The following RPH3AL variants were observed in gnomAD, a reference collection of about 807,000 sequenced individuals.
The protein encoded by RPH3AL is rabphilin 3A like (without C2 domains).
A neutral mutation model predicts 43.1 loss-of-function variants in RPH3AL; 38 were observed. The ratio of observed to expected loss-of-function variants is 0.88; its 90% CI spans 0.68 to 1.15. The LOEUF is 1.15. Among genes scored for constraint, RPH3AL ranks in the 50% most tolerant of loss-of-function variants. The pLI is 0.00. For missense variants in RPH3AL, 462 were observed against 423.2 expected (o/e 1.09, Z -0.81); for synonymous variants, 189 against 176.3 (o/e 1.07, Z -0.57).
chr17:309,669 G>T lies in RPH3AL; in HGVS notation c.351+9751C>A, dbSNP rs537610961. On this transcript the variant is annotated intron_variant, in intron 5 of 9. Coordinates refer to ENST00000331302, the MANE Select transcript of RPH3AL (RefSeq NM_006987.4). ...TGCCAGCCCCCTGCTGGGGGTCTGGGATATGGCACGTCCCCTGCCCTGCCC... is the reference window on the plus strand; with the variant it reads ...TGCCAGCCCCCTGCTGGGGGTCTGGTATATGGCACGTCCCCTGCCCTGCCC... Among the ~76,000 whole-genome samples the T allele has an allele frequency of 1.9e-3, 281 of 145,258 alleles. 11 individuals are homozygous for T. The highest frequency in any genetic ancestry group is 7.2e-3 in the African/African-American group (269 of 37,304).
chr17:351,348 T>C (rs775079769), intron 1 of RPH3AL, among the ~76,000 whole-genome samples: 1 of 152,102 alleles, frequency 6.6e-6, no homozygotes, highest in Non-Finnish European at 1.5e-5. Flanking sequence ...GCACCCTCAA[T>C]AGCTCCCACT....
At chr17:232,051 T>G (rs2041242294) in intron 7 of RPH3AL, among the ~76,000 whole-genome samples, 1 of 152,236 alleles carries the variant, frequency 6.6e-6, no homozygotes, top group Non-Finnish European at 1.5e-5. Context: ...AGCTTGTGTC[T>G]GGCTTAACCA....
intron 6 of RPH3AL, among the ~76,000 whole-genome samples, chr17:253,495 TC>T (rs1567587744): frequency 6.6e-6 from 1 of 152,172 alleles, no homozygotes; most frequent in Non-Finnish European, 1.5e-5. Flanking sequence ...GTATGCGCAA[TC>T]CTTTTTTAAA....
intron 5 of RPH3AL, among the ~76,000 whole-genome samples, chr17:309,206 G>T (rs2043573254): frequency 6.6e-6 from 1 of 152,174 alleles, no homozygotes; most frequent in South Asian, 2.1e-4. Context: ...GAGGTGGGAG[G>T]ATCGATTGAG....
intron 1 of RPH3AL, among the ~76,000 whole-genome samples, chr17:340,462 A>G (rs1448648159): frequency 1.8e-5 from 1 of 54,652 alleles, no homozygotes; most frequent in East Asian, 5.6e-4. Context: ...GCCTCCCCAC[A>G]TCCACACTCA....
chr17:282,055 C>T (rs1165651831), intron 5 of RPH3AL, among the ~76,000 whole-genome samples: 1 of 152,184 alleles, frequency 6.6e-6, no homozygotes, highest in East Asian at 1.9e-4. Flanking sequence ...TGGCCCCATC[C>T]ACGGAACCCC....
intron 5 of RPH3AL, among the ~76,000 whole-genome samples, chr17:286,913 T>TCTCTCTCCACCGTCAGACCTCCCACC (rs2042927816): frequency 2.2e-5 from 2 of 92,222 alleles, no homozygotes; most frequent in Admixed American, 2.3e-4. Flanking sequence ...CCTCGCACCC[T>TCTCTCTCCACCGTCAGACCTCCCACC]CTCTCTCCAC....
At chr17:318,847 A>G (rs1272815339) in intron 5 of RPH3AL, among the ~76,000 whole-genome samples, 1 of 152,250 alleles carries the variant, frequency 6.6e-6, no homozygotes, top group Non-Finnish European at 1.5e-5. Context: ...GATCAAGAGA[A>G]GCAGGACCAA....
In RPH3AL at chr17:274,784, A is replaced by C. The variant is rs187571119; in HGVS notation, c.438+6984T>G. On this transcript the variant is annotated intron_variant, in intron 6 of 9. Transcript: ENST00000331302. This position sits in a 1 kb window ranked among gnomAD's most constrained non-coding sequence, Gnocchi z 4.7. ...CTGCTGCAGAAGCGGGGAGGGGAAA[A>C]CCTCCAAAGTGTTTAGTGCAGGTGA... 6.4e-4 allele frequency among the ~76,000 whole-genome samples: 97 copies of C among 152,066 alleles called. No homozygotes were observed. Among genetic ancestry groups the C allele is most frequent in the Middle Eastern group, 3.4e-3 (1 of 294 alleles).
chr17:314,441 C>A (rs1001708852), intron 5 of RPH3AL, among the ~76,000 whole-genome samples: 2 of 122,048 alleles, frequency 1.6e-5, no homozygotes, highest in Non-Finnish European at 3.5e-5. Context: ...CCTCTGCCCC[C>A]ACCTCCATTG....
At chr17:248,231 C>G (rs552306903) in intron 6 of RPH3AL, among the ~76,000 whole-genome samples, 1 of 152,216 alleles carries the variant, frequency 6.6e-6, no homozygotes, top group Non-Finnish European at 1.5e-5. Context: ...TCGAGCCACC[C>G]CCTCTTGCCA....
rs533408373 is a variant in RPH3AL at position 259,110 on chromosome 17, G to A, written c.439-11825C>T. Among the ~76,000 whole-genome samples the A allele has an allele frequency of 2.5e-4, 38 of 152,202 alleles. No homozygotes were observed. In the South Asian group the frequency reaches 6.0e-3, roughly 24 times the overall value. On this transcript the variant is annotated intron_variant, in intron 6 of 9. Coordinates refer to ENST00000331302, the MANE Select transcript of RPH3AL (RefSeq NM_006987.4). ...TGTGAGTTCATTGTAACGGGGCCTC[G>A]CTCCGATTCTCTCCTGCTGTCACTG... is the stretch of plus-strand genomic sequence containing the variant.
intron 8 of RPH3AL, among the ~76,000 whole-genome samples, chr17:218,196 C>A (rs1555529804): frequency 6.8e-6 from 1 of 147,938 alleles, no homozygotes; most frequent in Non-Finnish European, 1.5e-5. Flanking sequence ...TTCTTCTGCG[C>A]TAAAATTGGC....
chr17:229,763 G>A (rs1233438443), intron 7 of RPH3AL, among the ~76,000 whole-genome samples: 1 of 152,106 alleles, frequency 6.6e-6, no homozygotes, highest in East Asian at 1.9e-4. Context: ...TCCGGGCCAG[G>A]GTGCAGGGTT....
intron 3 of RPH3AL, among the ~76,000 whole-genome samples, chr17:324,036 C>T (rs1317428161): frequency 2.0e-5 from 3 of 150,960 alleles, no homozygotes; most frequent in Non-Finnish European, 4.4e-5. Flanking sequence ...CAGAGTCGCC[C>T]TGTAAGGCCC....
chr17:273,016 A>T (rs8074922), intron 6 of RPH3AL, among the ~76,000 whole-genome samples: 1,131 of 37,828 alleles, frequency 0.03, 15 homozygotes, highest in African/African-American at 0.096. Context: ...CGAGGGCGAC[A>T]TCAGGAAGAG....
intron 7 of RPH3AL, among the ~76,000 whole-genome samples, chr17:224,663 C>G (rs950559584): frequency 3.3e-5 from 5 of 152,290 alleles, no homozygotes; most frequent in Admixed American, 3.3e-4. Flanking sequence ...TACACTGGAG[C>G]AAGAGTGATG....
At chr17:281,016 C>G (rs543237134) in intron 6 of RPH3AL, among the ~76,000 whole-genome samples, 1 of 152,160 alleles carries the variant, frequency 6.6e-6, no homozygotes, top group Non-Finnish European at 1.5e-5. Context: ...CCTGCCTCCC[C>G]AGGGCACTTC....
intron 1 of RPH3AL, among the ~76,000 whole-genome samples, chr17:347,761 T>C (rs940730604): frequency 6.6e-6 from 1 of 152,232 alleles, no homozygotes; most frequent in Non-Finnish European, 1.5e-5. Flanking sequence ...ACTAAATATT[T>C]ATTCATAATT....
Sources: allele counts gnomAD v4.1 joint callset (sites outside exome capture counted in the v4.1 genomes callset), GRCh38; gene constraint gnomAD v4.1.1; non-coding constraint Gnocchi (gnomAD v3.1); transcripts MANE v1.5; gene names NCBI Gene and HGNC (gene_info 2026-07-23, HGNC 2026-07-21).